XPR1: variants seen among roughly 807,000 people sequenced by gnomAD.
The protein encoded by XPR1 is solute carrier family 53 member 1.
A neutral mutation model predicts 87.5 loss-of-function variants in XPR1; 28 were observed. The ratio of observed to expected loss-of-function variants is 0.32; its 90% CI spans 0.24 to 0.44. XPR1 has a LOEUF of 0.44. Among genes scored for constraint, XPR1 ranks in the 20% least tolerant of loss-of-function variants. XPR1 has a pLI of 1.00. For missense variants in XPR1, 559 were observed against 862.3 expected, an observed-to-expected ratio of 0.65 and a Z score of 4.41; for synonymous variants, 300 against 306.1, an observed-to-expected ratio of 0.98 and a Z score of 0.21.
intron 2 of XPR1, among the ~76,000 whole-genome samples, chr1:180,707,951 A>G (rs1657611996): frequency 6.6e-6 from 1 of 152,132 alleles, no homozygotes; most frequent in East Asian, 1.9e-4. Context: ...TAGTATTTCT[A>G]ATTAGCATTT....
At chr1:180,750,207 C>T (rs971678411) in intron 2 of XPR1, among the ~76,000 whole-genome samples, 1 of 152,082 alleles carries the variant, frequency 6.6e-6, no homozygotes, top group Non-Finnish European at 1.5e-5. Context: ...ATAAGAAGCA[C>T]TGCAACACTG....
At chr1:180,698,629 G>A (rs1571738310) in intron 2 of XPR1, among the ~76,000 whole-genome samples, 1 of 152,124 alleles carries the variant, frequency 6.6e-6, no homozygotes, top group East Asian at 1.9e-4. Flanking sequence ...GTGTTTTCAT[G>A]ATGGTAGATA....
chr1:180,658,959 C>T (rs1261190430), intron 1 of XPR1, among the ~76,000 whole-genome samples: 2 of 152,190 alleles, frequency 1.3e-5, no homozygotes. Context: ...TGGGATAAAT[C>T]TCACTTGGTT....
chr1:180,820,209 C>T (rs1650576739), intron 7 of XPR1, among the ~76,000 whole-genome samples: 1 of 151,990 alleles, frequency 6.6e-6, no homozygotes, highest in Non-Finnish European at 1.5e-5. Context: ...AGTACATTCA[C>T]AGTGTTGTAC....
rs35751561 is a variant in XPR1, at chr1:180,704,245, G to GATATATATATATATATATATATATATAT, written c.121+21839_121+21866dup. ...TTTCTCAAGAACACTATAGGTGCTG[G>GATATATATATATATATATATATATATAT]ATATATATATATATATATATATATA... On this transcript the variant is annotated intron_variant, in intron 2 of 14. Transcript: ENST00000367590. Among the ~76,000 whole-genome samples, 6 of 66,028 alleles carry GATATATATATATATATATATATATATAT rather than the reference G, an allele frequency of 9.1e-5. 1 individual carries two copies. Among genetic ancestry groups the GATATATATATATATATATATATATATAT allele is most frequent in the South Asian group, 5.4e-4 (1 of 1,868 alleles). The allele number at this position is 66,028 out of a possible 152,430, so 43.3% of individuals were successfully genotyped here. A position where few individuals can be genotyped will look rare whatever the true frequency, so the allele number is the denominator to read the frequency against.
intron 2 of XPR1, among the ~76,000 whole-genome samples, chr1:180,760,710 A>G (rs933535266): frequency 8.5e-5 from 13 of 152,208 alleles, no homozygotes; most frequent in African/African-American, 1.9e-4. Context: ...TATAGATTCA[A>G]TCCCATCACC....
At chr1:180,731,846 G>T (rs1658566300) in intron 2 of XPR1, among the ~76,000 whole-genome samples, 1 of 152,196 alleles carries the variant, frequency 6.6e-6, no homozygotes, top group East Asian at 1.9e-4. Context: ...AGTGGCTGTT[G>T]TATTGGACAG....
At chr1:180,698,218 C>G (rs944309724) in intron 2 of XPR1, among the ~76,000 whole-genome samples, 1 of 151,954 alleles carries the variant, frequency 6.6e-6, no homozygotes, top group East Asian at 1.9e-4. Flanking sequence ...CAGTTTTTGA[C>G]TTAAAGTTTG....
At chr1:180,836,791 C>G in intron 11 of XPR1, 75 bp downstream of exon 11, 2 of 1,513,188 alleles carry the variant, frequency 1.3e-6, no homozygotes, top group Non-Finnish European at 1.8e-6. Context: ...CTTACTCTGG[C>G]TACTTTTCCA....
intron 3 of XPR1, among the ~76,000 whole-genome samples, chr1:180,797,333 T>TGG (rs1649623518): frequency 6.6e-6 from 1 of 152,046 alleles, no homozygotes; most frequent in South Asian, 2.1e-4. Flanking sequence ...AGCCCTAAGG[T>TGG]GGGAGTTTCA....
At chr1:180,738,953 C>G (rs1658829700) in intron 2 of XPR1, among the ~76,000 whole-genome samples, 2 of 151,824 alleles carry the variant, frequency 1.3e-5, no homozygotes, top group African/African-American at 4.8e-5. Context: ...TTTTGTCTAA[C>G]CTATGGTCAC....
chr1:180,707,178 T>C (rs1657587760), intron 2 of XPR1, among the ~76,000 whole-genome samples: 1 of 152,188 alleles, frequency 6.6e-6, no homozygotes, highest in Non-Finnish European at 1.5e-5. Context: ...CCAGGATAGA[T>C]TTTTAAATCA....
chr1:180,821,732 A>G (rs1650630593), intron 7 of XPR1, among the ~76,000 whole-genome samples: 2 of 152,330 alleles, frequency 1.3e-5, no homozygotes, highest in Non-Finnish European at 2.9e-5. Context: ...AGTTTGTAGT[A>G]TACAGGTCTT....
chr1:180,768,003 C>G (rs1278004590), intron 2 of XPR1, among the ~76,000 whole-genome samples: 1 of 152,076 alleles, frequency 6.6e-6, no homozygotes, highest in Non-Finnish European at 1.5e-5. Flanking sequence ...CGCCACCATT[C>G]CTGGCTAATT....
intron 1 of XPR1, among the ~76,000 whole-genome samples, chr1:180,672,382 T>TA (rs767183962): frequency 1.1e-4 from 17 of 152,184 alleles, no homozygotes; most frequent in Non-Finnish European, 2.1e-4. Flanking sequence ...TCTTAAATTT[T>TA]AATATGAGAA....
rs535045110 is a variant in XPR1, at chr1:180,887,861, G to C, written c.*3795G>C. On this transcript the variant is annotated 3_prime_UTR_variant, in exon 15 of 15. Transcript: ENST00000367590. ...ATGCTTTGACCAAAGTACATTCACAGTAACTAGAGAAAGCAGATCATCCAT... is the reference window on the plus strand; with the variant it reads ...ATGCTTTGACCAAAGTACATTCACACTAACTAGAGAAAGCAGATCATCCAT... The C allele has an allele frequency of 6.6e-6, 1 of 152,314 alleles. No homozygotes were observed. The highest frequency in any genetic ancestry group is 2.4e-5 in the African/African-American group (1 of 41,568). The allele number at this position is 152,314 out of a possible 1,614,324, so 9.4% of individuals were successfully genotyped here. A position where few individuals can be genotyped will look rare whatever the true frequency, so the allele number is the denominator to read the frequency against.
At chr1:180,690,800 A>G (rs1051574786) in intron 2 of XPR1, among the ~76,000 whole-genome samples, 14 of 150,908 alleles carry the variant, frequency 9.3e-5, no homozygotes, top group African/African-American at 3.4e-4. Flanking sequence ...TGTAGTTTAC[A>G]TATTTACTTG....
chr1:180,789,655 A>G (rs1471204291), intron 3 of XPR1, among the ~76,000 whole-genome samples: 2 of 151,924 alleles, frequency 1.3e-5, no homozygotes, highest in African/African-American at 2.4e-5. Context: ...CCTGGGCTCA[A>G]GCTGTCTTCT....
chr1:180,645,466 C>G (rs1655091688), intron 1 of XPR1, among the ~76,000 whole-genome samples: 1 of 152,228 alleles, frequency 6.6e-6, no homozygotes, highest in African/African-American at 2.4e-5. Flanking sequence ...TTGTCCATCT[C>G]TCCCGAAGTG....
Sources: gnomAD v4.1 joint callset for allele counts (sites outside exome capture counted in the v4.1 genomes callset) on GRCh38, gnomAD v4.1.1 for gene constraint, MANE v1.5 for transcripts, NCBI Gene and HGNC (gene_info 2026-07-23, HGNC 2026-07-21) for gene names.